LRRC4C: variants seen among roughly 807,000 people sequenced by gnomAD.
The protein encoded by LRRC4C is leucine-rich repeat-containing protein 4C.
Under a neutral mutation model 33.6 loss-of-function variants are expected in LRRC4C, and 5 were observed. The observed-to-expected ratio is 0.15, with a 90% CI of 0.08 to 0.31. The LOEUF (loss-of-function observed/expected upper bound fraction) is 0.31. LRRC4C is among the 10% of genes least tolerant of loss of function. The pLI is 1.00. For synonymous variants in LRRC4C, 329 were observed against 302.0 expected, an observed-to-expected ratio of 1.09 and a Z score of -0.93; for missense variants, 560 against 796.7, an observed-to-expected ratio of 0.70 and a Z score of 3.58.
At chr11:40,677,775 C>A (rs1406382515) in intron 2 of LRRC4C, among the ~76,000 whole-genome samples, 1 of 152,150 alleles carries the variant, frequency 6.6e-6, no homozygotes, top group African/African-American at 2.4e-5. Flanking sequence ...GAATTCTGGC[C>A]AGTGACACGT....
At chr11:40,253,062 A>G (rs913657896) in intron 4 of LRRC4C, among the ~76,000 whole-genome samples, 9 of 152,170 alleles carry the variant, frequency 5.9e-5, no homozygotes, top group African/African-American at 2.2e-4. Context: ...AAATCCTCCA[A>G]TTATTCCACT....
intron 5 of LRRC4C, among the ~76,000 whole-genome samples, chr11:40,162,529 C>T (rs1302345747): frequency 6.6e-6 from 1 of 152,136 alleles, no homozygotes; most frequent in Non-Finnish European, 1.5e-5. Context: ...TTTGGGAGAT[C>T]ACTCTGCAAC....
At chr11:40,848,076 T>C (rs376999953) in intron 2 of LRRC4C, among the ~76,000 whole-genome samples, 842 of 28,748 alleles carry the variant, frequency 0.029, 7 homozygotes, top group African/African-American at 0.037. Context: ...TAGTGGTCTA[T>C]CTATCTATCT....
In LRRC4C at chr11:40,244,166, T is replaced by C. The variant is rs1866150068; in HGVS notation, c.-175-2568A>G. 2.6e-5 allele frequency among the ~76,000 whole-genome samples: 4 copies of C among 152,164 alleles called. No individual in the cohort carries two copies. In the South Asian group the frequency reaches 8.3e-4, roughly 32 times the overall value. On this transcript the variant is annotated intron_variant, in intron 4 of 6. Coordinates refer to ENST00000528697, the MANE Select transcript of LRRC4C (RefSeq NM_001258419.2). ...TTGCTTTAAAGAGCTAGGATGACAT[T>C]TAAGTGCTGAGTATAATACAGCAAT... is the stretch of plus-strand genomic sequence containing the variant.
chr11:40,730,111 T>TG (rs371114673), intron 2 of LRRC4C, among the ~76,000 whole-genome samples: 103 of 145,918 alleles, frequency 7.1e-4, no homozygotes, highest in South Asian at 5.0e-3. Flanking sequence ...GTTGTGGGGT[T>TG]GGGGGGGGCA....
chr11:40,521,791 C>T (rs914230240), intron 3 of LRRC4C, among the ~76,000 whole-genome samples: 7 of 151,952 alleles, frequency 4.6e-5, no homozygotes, highest in African/African-American at 1.7e-4. Flanking sequence ...ATCGCTTGAA[C>T]CTGGGAGCTG....
At position 40,817,444 on chromosome 11, in the gene LRRC4C, G is replaced by A. The variant is rs550961076; in HGVS notation, c.-407+116191C>T. Among the ~76,000 whole-genome samples the A allele has an allele frequency of 3.9e-5, 6 of 152,198 alleles. No individual in the cohort carries two copies. In the South Asian group the frequency reaches 6.2e-4, roughly 16 times the overall value. On this transcript the variant is annotated intron_variant, in intron 2 of 6. Transcript: ENST00000528697. ...TGAAGGACCCTGATAGATATGATGC[G>A]TTGCATCATAACGGTTATTCTGGCA...
intron 3 of LRRC4C, among the ~76,000 whole-genome samples, chr11:40,639,151 G>A (rs1290249317): frequency 7.0e-6 from 1 of 141,850 alleles, no homozygotes; most frequent in Non-Finnish European, 1.5e-5. Context: ...GTAACACTTT[G>A]TTAAGGTTGT....
chr11:41,366,316 T>C (rs1289832408), intron 1 of LRRC4C, among the ~76,000 whole-genome samples: 1 of 152,080 alleles, frequency 6.6e-6, no homozygotes, highest in Non-Finnish European at 1.5e-5. Flanking sequence ...CTGTAGATAT[T>C]TGGTTATCAA....
intron 2 of LRRC4C, among the ~76,000 whole-genome samples, chr11:40,742,367 G>T (rs753318656): frequency 6.6e-6 from 1 of 151,898 alleles, no homozygotes; most frequent in Non-Finnish European, 1.5e-5. Flanking sequence ...TCCTTCTTTT[G>T]ATTCATTACA....
rs560029208 is a variant in LRRC4C at position 40,209,101 on chromosome 11, G to A, written c.-96+32418C>T. ...CAAAGGACATGTGAAAATGAATAAGGCACATTCCCTGTCCTTAAGGGATTC... is the reference window on the plus strand; with the variant it reads ...CAAAGGACATGTGAAAATGAATAAGACACATTCCCTGTCCTTAAGGGATTC... On this transcript the variant is annotated intron_variant, in intron 5 of 6. Coordinates refer to ENST00000528697, the MANE Select transcript of LRRC4C (RefSeq NM_001258419.2). 2.0e-5 allele frequency among the ~76,000 whole-genome samples: 3 copies of A among 152,174 alleles called. No homozygotes were observed. In the East Asian group the frequency reaches 5.8e-4, roughly 29 times the overall value.
At chr11:40,962,482 C>G (rs1438141852) in intron 1 of LRRC4C, among the ~76,000 whole-genome samples, 3 of 151,640 alleles carry the variant, frequency 2.0e-5, no homozygotes, top group Non-Finnish European at 4.4e-5. Flanking sequence ...TTAGTGTAAC[C>G]AGAATAATAA....
chr11:40,726,083 T>C (rs1947280538), intron 2 of LRRC4C, among the ~76,000 whole-genome samples: 1 of 151,724 alleles, frequency 6.6e-6, no homozygotes, highest in South Asian at 2.1e-4. Flanking sequence ...CTTCCTAAAA[T>C]TAAATCAGGA....
chr11:40,975,332 C>G (rs1183420135), intron 1 of LRRC4C, among the ~76,000 whole-genome samples: 1 of 152,142 alleles, frequency 6.6e-6, no homozygotes, highest in Non-Finnish European at 1.5e-5. Flanking sequence ...TGGCTTAGTA[C>G]TAGATTATCT....
chr11:40,587,885 T>C lies in LRRC4C; in HGVS notation c.-270+60257A>G, dbSNP rs181890857. On this transcript the variant is annotated intron_variant, in intron 3 of 6. Transcript: ENST00000528697. ...CTGCTGGATTCGTTTTGCCACTATT[T>C]TATTGAGGATTTTTGTATCAATGTT... 3.0e-3 allele frequency among the ~76,000 whole-genome samples: 458 copies of C among 152,302 alleles called. 3 individuals are homozygous for C. Among genetic ancestry groups the C allele is most frequent in the Middle Eastern group, 0.014 (4 of 294 alleles).
intron 5 of LRRC4C, among the ~76,000 whole-genome samples, chr11:40,232,853 T>G (rs1306584826): frequency 6.6e-6 from 1 of 152,230 alleles, no homozygotes; most frequent in Non-Finnish European, 1.5e-5. Flanking sequence ...AGACGCTTTC[T>G]GTTTTCTCTG....
intron 2 of LRRC4C, among the ~76,000 whole-genome samples, chr11:40,899,667 G>A (rs931881756): frequency 1.3e-5 from 2 of 152,154 alleles, no homozygotes; most frequent in Admixed American, 1.3e-4. Flanking sequence ...CAAGAAGGCT[G>A]CATGGTGATT....
At chr11:41,172,209 C>CA (rs1847394005) in intron 1 of LRRC4C, among the ~76,000 whole-genome samples, 1 of 152,072 alleles carries the variant, frequency 6.6e-6, no homozygotes. Flanking sequence ...AGAAAGCCAG[C>CA]AATTTTACAT....
intron 2 of LRRC4C, among the ~76,000 whole-genome samples, chr11:40,856,599 T>C (rs185904380): frequency 4.7e-4 from 71 of 152,382 alleles, no homozygotes; most frequent in South Asian, 1.0e-3. Flanking sequence ...TTAAAATGCA[T>C]AAGATAGAGT....
Sources: gnomAD v4.1 joint callset for allele counts (sites outside exome capture counted in the v4.1 genomes callset) on GRCh38, gnomAD v4.1.1 for gene constraint, MANE v1.5 for transcripts, NCBI Gene and HGNC (gene_info 2026-07-23, HGNC 2026-07-21) for gene names.